The following ROBO2 variants were observed in gnomAD, a reference collection of about 807,000 sequenced individuals.
ROBO2 encodes the protein roundabout homolog 2.
A neutral mutation model predicts 160.8 loss-of-function variants in ROBO2; 53 were observed. The observed-to-expected ratio is 0.33, with a 90% confidence interval of 0.26 to 0.41. ROBO2 has a LOEUF of 0.41. Ranked by LOEUF, ROBO2 falls within the 10% of genes least tolerant of loss-of-function variation. The pLI, the probability that ROBO2 is intolerant of heterozygous loss-of-function variation, is 1.00. For synonymous variants in ROBO2, 664 were observed against 611.7 expected, an observed-to-expected ratio of 1.09 and a Z score of -1.26; for missense variants, 1,577 against 1,722.4, an observed-to-expected ratio of 0.92 and a Z score of 1.49.
rs532917346 is a variant in ROBO2, at chr3:77,342,673, G to A, written c.389-134741G>A. Among the ~76,000 whole-genome samples the A allele has an allele frequency of 7.2e-5, 11 of 152,078 alleles. No homozygotes were observed. The South Asian group carries it at 2.1e-3, about 29-fold the overall frequency. ...TCCTTTTGATGAACATTTCTCCCTG[G>A]CTTTTCATTTGCCTCCTTTTGTGGA... On this transcript the variant is annotated intron_variant, in intron 2 of 25. Coordinates refer to ENST00000461745, the Ensembl canonical transcript of ROBO2.
intron 2 of ROBO2, among the ~76,000 whole-genome samples, chr3:76,784,442 A>G (rs549504031): frequency 6.6e-6 from 1 of 151,266 alleles, no homozygotes; most frequent in Admixed American, 6.6e-5. Flanking sequence ...TATTTTCCCT[A>G]GGACAGTGCC....
At chr3:76,128,188 C>G (rs939226564) in intron 2 of ROBO2, among the ~76,000 whole-genome samples, 1 of 152,050 alleles carries the variant, frequency 6.6e-6, no homozygotes, top group Non-Finnish European at 1.5e-5. Flanking sequence ...GCCACCGCAC[C>G]CCACCTGAAG....
intron 2 of ROBO2, among the ~76,000 whole-genome samples, chr3:75,996,273 C>T (rs996453539): frequency 6.6e-6 from 1 of 152,158 alleles, no homozygotes; most frequent in East Asian, 1.9e-4. Flanking sequence ...GCAATTGAAT[C>T]ATGTGGGAGG....
chr3:76,189,127 G>A (rs1354184864), intron 2 of ROBO2, among the ~76,000 whole-genome samples: 3 of 151,984 alleles, frequency 2.0e-5, no homozygotes, highest in Non-Finnish European at 4.4e-5. Flanking sequence ...CAGAAAGTTG[G>A]CAGTGAAATG....
At chr3:76,921,572 A>G (rs2076664764) in intron 2 of ROBO2, among the ~76,000 whole-genome samples, 1 of 152,170 alleles carries the variant, frequency 6.6e-6, no homozygotes, top group South Asian at 2.1e-4. Context: ...GGATTGCTCC[A>G]TTGCACTCCA....
chr3:76,529,403 G>A (rs1165096086), intron 2 of ROBO2, among the ~76,000 whole-genome samples: 2 of 152,002 alleles, frequency 1.3e-5, no homozygotes, highest in East Asian at 1.9e-4. Flanking sequence ...GGCAATGATG[G>A]TATTCATGTA....
intron 2 of ROBO2, among the ~76,000 whole-genome samples, chr3:76,696,377 ATC>A (rs769945714): frequency 7.2e-5 from 7 of 97,738 alleles, no homozygotes; most frequent in Admixed American, 2.0e-4. Flanking sequence ...TTTTAAATGG[ATC>A]TCTTTTTTTT....
chr3:77,560,805 C>T (rs1246218356), intron 9 of ROBO2, among the ~76,000 whole-genome samples: 2 of 152,106 alleles, frequency 1.3e-5, no homozygotes, highest in Admixed American at 1.3e-4. Context: ...TTTCTTTTAG[C>T]ATTTGCAAGT....
intron 2 of ROBO2, among the ~76,000 whole-genome samples, chr3:76,549,571 A>G (rs1248674077): frequency 1.3e-5 from 2 of 152,218 alleles, no homozygotes; most frequent in Non-Finnish European, 2.9e-5. Context: ...AGAGCAGAAA[A>G]TATGCCTGTA....
intron 2 of ROBO2, among the ~76,000 whole-genome samples, chr3:76,109,421 A>G (rs76258963): frequency 3.9e-5 from 6 of 151,936 alleles, no homozygotes; most frequent in Admixed American, 2.6e-4. Flanking sequence ...ACTACTACTA[A>G]TAATACCATA....
chr3:77,057,396 C>A (rs1430999831), intron 1 of ROBO2, among the ~76,000 whole-genome samples: 2 of 151,868 alleles, frequency 1.3e-5, no homozygotes, highest in Non-Finnish European at 2.9e-5. Flanking sequence ...ACCAACATGG[C>A]ACATGTACAC....
At chr3:77,498,606 A>G (rs188311899) in intron 5 of ROBO2, among the ~76,000 whole-genome samples, 11 of 151,258 alleles carry the variant, frequency 7.3e-5, no homozygotes, top group Non-Finnish European at 1.5e-4. Context: ...ACTACTTATA[A>G]TTCCTTTTTT....
intron 2 of ROBO2, among the ~76,000 whole-genome samples, chr3:76,930,600 G>C (rs547218029): frequency 3.9e-5 from 6 of 152,132 alleles, no homozygotes; most frequent in Admixed American, 3.9e-4. Context: ...ATTATGGAAG[G>C]TTGGTTTACT....
chr3:76,147,253 T>G (rs2071946735), intron 2 of ROBO2, among the ~76,000 whole-genome samples: 1 of 151,678 alleles, frequency 6.6e-6, no homozygotes, highest in Non-Finnish European at 1.5e-5. Context: ...ATACTTAAAT[T>G]TAAGTTTTAG....
At chr3:77,116,160 G>A (rs1445331807) in intron 2 of ROBO2, among the ~76,000 whole-genome samples, 3 of 152,176 alleles carry the variant, frequency 2.0e-5, no homozygotes, top group Non-Finnish European at 2.9e-5. Context: ...TGTGGTCAGC[G>A]TAGTGCGTCT....
intron 2 of ROBO2, among the ~76,000 whole-genome samples, chr3:76,815,271 G>A (rs945076738): frequency 4.0e-5 from 6 of 151,884 alleles, no homozygotes; most frequent in Non-Finnish European, 8.8e-5. Flanking sequence ...TTCTCTGGTA[G>A]GAAAGTAGAT....
intron 2 of ROBO2, among the ~76,000 whole-genome samples, chr3:76,637,870 A>G (rs2090426081): frequency 6.6e-6 from 1 of 152,228 alleles, no homozygotes; most frequent in Non-Finnish European, 1.5e-5. Context: ...CAGCAGATTT[A>G]CATAGAATCT....
At chr3:76,841,953 G>T (rs2068316552) in intron 2 of ROBO2, among the ~76,000 whole-genome samples, 1 of 152,156 alleles carries the variant, frequency 6.6e-6, no homozygotes, top group African/African-American at 2.4e-5. Context: ...AGGGCAATCT[G>T]ATAGTCAAAA....
intron 2 of ROBO2, among the ~76,000 whole-genome samples, chr3:76,459,545 C>T (rs1447702195): frequency 6.6e-6 from 1 of 152,000 alleles, no homozygotes; most frequent in African/African-American, 2.4e-5. Context: ...TTTATTCAGC[C>T]TCAATGTTCA....
Sources: gnomAD v4.1 joint callset for allele counts (sites outside exome capture counted in the v4.1 genomes callset) on GRCh38, gnomAD v4.1.1 for gene constraint, MANE v1.5 for transcripts, NCBI Gene and HGNC (gene_info 2026-07-23, HGNC 2026-07-21) for gene names.